Variants in RGS9 observed in about 807,000 individuals in gnomAD.
RGS9 encodes regulator of G-protein signalling 9.
RGS9 carries 78 observed loss-of-function variants against 102.0 expected under a neutral mutation model. The ratio of observed to expected loss-of-function variants is 0.76; its 90% CI spans 0.64 to 0.92. The LOEUF (loss-of-function observed/expected upper bound fraction) is 0.92. Ranked by LOEUF, RGS9 falls within the 40% of genes least tolerant of loss-of-function variation. The pLI, the probability that RGS9 is intolerant of heterozygous loss-of-function variation, is 0.00. For missense variants in RGS9, 833 were observed against 866.1 expected, an observed-to-expected ratio of 0.96 and a Z score of 0.48; for synonymous variants, 353 against 318.6, an observed-to-expected ratio of 1.11 and a Z score of -1.15.
At position 65,163,065 on chromosome 17, in the gene RGS9, T is replaced by C. The variant is rs769301485; in HGVS notation, c.476T>C (p.Ile159Thr). The C allele has an allele frequency of 6.2e-7, 1 of 1,605,490 alleles. No individual in the cohort carries two copies. The highest frequency in any genetic ancestry group is 2.2e-5 in the East Asian group (1 of 44,814). The change falls in exon 7 of 19, where the codon ATT (isoleucine) becomes ACT (threonine). Residue 159 changes from isoleucine to threonine, a missense_variant. This residue lies in a region of RGS9 where 328 missense variants were observed against 340.6 expected (regional missense o/e 0.96). Coordinates refer to ENST00000262406, the MANE Select transcript of RGS9 (RefSeq NM_003835.4). ...QKMNYKWDFV[I>T]MQAKEQYRAG... is the part of the protein sequence containing the mutation. The stretch of plus-strand genomic sequence containing the variant: ...ATGAACTATAAGTGGGACTTTGTCA[T>C]TATGCAGGCCAAAGAGCAGTACAGG...
chr17:65,222,012 C>T (rs915887329), intron 17 of RGS9, among the ~76,000 whole-genome samples: 3 of 152,242 alleles, frequency 2.0e-5, no homozygotes, highest in Admixed American at 6.5e-5. Context: ...GTCTCACATT[C>T]AAGGTGTCAG....
chr17:65,200,100 C>T (rs1199717778), intron 13 of RGS9, among the ~76,000 whole-genome samples: 1 of 152,124 alleles, frequency 6.6e-6, no homozygotes, highest in Non-Finnish European at 1.5e-5. Context: ...GGTACCATCT[C>T]GGCTCACTGC....
At chr17:65,207,837 G>C (rs1913127096) in intron 15 of RGS9, 85 bp from the exon 16 acceptor site, 1 of 937,178 alleles carries the variant, frequency 1.1e-6, no homozygotes, top group East Asian at 2.6e-5. Flanking sequence ...CTACTGCCAA[G>C]GGAGGCTTGA....
chr17:65,215,489 G>C (rs9889732), intron 17 of RGS9, among the ~76,000 whole-genome samples: 2 of 116,130 alleles, frequency 1.7e-5, no homozygotes, highest in African/African-American at 6.3e-5. Context: ...TCTTTCTTTC[G>C]TTCTTTCGTT....
At chr17:65,151,727 TAAGTTATAA>T (rs1360578916) in intron 1 of RGS9, among the ~76,000 whole-genome samples, 2 of 152,272 alleles carry the variant, frequency 1.3e-5, no homozygotes, top group East Asian at 3.8e-4. Context: ...TCTGGTCTTA[TAAGTTATAA>T]ACCTTGGCAT....
intron 8 of RGS9, among the ~76,000 whole-genome samples, chr17:65,174,058 T>A (rs560404717): frequency 6.6e-6 from 1 of 152,040 alleles, no homozygotes; most frequent in Non-Finnish European, 1.5e-5. Flanking sequence ...GAGAGCCAGG[T>A]TGGGGCTGGA....
intron 8 of RGS9, among the ~76,000 whole-genome samples, chr17:65,174,797 C>T (rs1301233842): frequency 6.6e-6 from 1 of 152,160 alleles, no homozygotes; most frequent in African/African-American, 2.4e-5. Context: ...ACTCACAGTT[C>T]TGCATGGCTG....
At chr17:65,208,106 T>A (rs1017516922) in intron 16 of RGS9, 99 bp downstream of exon 16, 40 of 825,820 alleles carry the variant, frequency 4.8e-5, no homozygotes, top group Non-Finnish European at 7.6e-5. Flanking sequence ...GATATTTGCT[T>A]GATGAAAATA....
chr17:65,213,852 A>G (rs1913395940), intron 17 of RGS9, among the ~76,000 whole-genome samples: 1 of 152,232 alleles, frequency 6.6e-6, no homozygotes, highest in Admixed American at 6.5e-5. Flanking sequence ...TCTTTATTAA[A>G]TGAATGAGGA....
intron 11 of RGS9, among the ~76,000 whole-genome samples, chr17:65,191,475 T>G (rs1270658439): frequency 1.3e-5 from 2 of 151,842 alleles, no homozygotes; most frequent in Non-Finnish European, 2.9e-5. Context: ...TTTGGGAGGC[T>G]GGGGTGGGCA....
chr17:65,193,055 G>A (rs534178313), intron 11 of RGS9, among the ~76,000 whole-genome samples: 8 of 150,956 alleles, frequency 5.3e-5, no homozygotes, highest in African/African-American at 2.0e-4. Flanking sequence ...GACCCCAGGA[G>A]TTTGAGACCA....
intron 15 of RGS9, among the ~76,000 whole-genome samples, chr17:65,205,869 G>A (rs4790956): frequency 0.15 from 22,118 of 151,254 alleles, 3,348 homozygotes; most frequent in African/African-American, 0.34. Flanking sequence ...AGATTATGTG[G>A]TATCAGTTAT....
intron 17 of RGS9, among the ~76,000 whole-genome samples, chr17:65,224,640 A>C (rs900243750): frequency 1.3e-5 from 2 of 152,146 alleles, no homozygotes; most frequent in Non-Finnish European, 2.9e-5. Flanking sequence ...GGGCTGTGGC[A>C]GGTACTATGC....
intron 8 of RGS9, 82 bp from the exon 9 acceptor site, chr17:65,177,650 G>T: frequency 1.5e-6 from 2 of 1,311,012 alleles, no homozygotes; most frequent in Non-Finnish European, 1.1e-6. Context: ...TCTCACAATT[G>T]GCAGATTAAC....
chr17:65,144,845 T>C (rs1208217447), intron 1 of RGS9, among the ~76,000 whole-genome samples: 2 of 152,294 alleles, frequency 1.3e-5, no homozygotes, highest in African/African-American at 2.4e-5. Flanking sequence ...CAAAGATGCA[T>C]AGACTGAGTG....
intron 5 of RGS9, 90 bp downstream of exon 5, chr17:65,160,677 C>CATCAT (rs1225304633): frequency 6.5e-5 from 97 of 1,485,334 alleles, no homozygotes; most frequent in Admixed American, 8.9e-5. Flanking sequence ...GTCTTGCTGT[C>CATCAT]ATCATGACCT....
At chr17:65,175,190 C>G (rs151012986) in intron 8 of RGS9, among the ~76,000 whole-genome samples, 3 of 150,592 alleles carry the variant, frequency 2.0e-5, no homozygotes, top group Non-Finnish European at 4.4e-5. Context: ...TGTGAGCATG[C>G]GTGTGTGAGT....
Position 65,177,768 on chromosome 17 carries a change from C to T in RGS9, c.619C>T (p.Arg207Ter), listed in dbSNP as rs1420558923. The change falls in exon 9 of 19, where the codon CGA becomes TGA. Residue 207 changes from arginine (R) to a stop codon, truncating the protein, a stop_gained. Transcript: ENST00000262406. LOFTEE classifies it high-confidence loss of function. ...CAATGTGCTGGACTACGGCCTGGAC[C>T]GAGTGACCAATCCGAATGAAGTCAA... ...MDNVLDYGLD[R>*]VTNPNEVKVN... is the part of the protein sequence containing the mutation. The T allele has an allele frequency of 9.9e-6, 16 of 1,614,032 alleles. No homozygotes were observed. Among genetic ancestry groups the T allele is most frequent in the African/African-American group, 8.0e-5 (6 of 74,914 alleles).
chr17:65,170,881 T>A (rs1014457596), intron 8 of RGS9, among the ~76,000 whole-genome samples: 2 of 152,130 alleles, frequency 1.3e-5, no homozygotes, highest in Admixed American at 1.3e-4. Context: ...TTTCTTAAAA[T>A]TCTCCCCATC....
Sources: allele counts gnomAD v4.1 joint callset (sites outside exome capture counted in the v4.1 genomes callset), GRCh38; gene constraint gnomAD v4.1.1; regional missense constraint gnomAD v4.1.1; transcripts MANE v1.5; gene names NCBI Gene and HGNC (gene_info 2026-07-23, HGNC 2026-07-21).